COL19A1: variants seen among roughly 807,000 people sequenced by gnomAD.
The protein encoded by COL19A1 is collagen alpha-1(XIX) chain.
Under a neutral mutation model 190.2 loss-of-function variants are expected in COL19A1, and 159 were observed. That is an observed-to-expected ratio of 0.84 (90% CI 0.73 to 0.95). COL19A1 has a LOEUF of 0.95. Among genes scored for constraint, COL19A1 ranks in the 40% least tolerant of loss-of-function variants. COL19A1 has a pLI of 0.00. For synonymous variants in COL19A1, 509 were observed against 458.9 expected (o/e 1.11, Z -1.39); for missense variants, 1,418 against 1,431.9 (o/e 0.99, Z 0.16).
intron 4 of COL19A1, among the ~76,000 whole-genome samples, chr6:69,902,824 C>T (rs1389983351): frequency 2.0e-5 from 3 of 152,200 alleles, no homozygotes; most frequent in Non-Finnish European, 4.4e-5. Flanking sequence ...ACTGCACTCT[C>T]ACGCCAGGGG....
At chr6:70,159,423 T>TAC (rs146845787) in intron 34 of COL19A1, among the ~76,000 whole-genome samples, 385 of 148,850 alleles carry the variant, frequency 2.6e-3, no homozygotes, top group African/African-American at 6.5e-3. Flanking sequence ...CACATACACA[T>TAC]ACACACACAC....
At chr6:70,108,966 A>G (rs1452381663) in intron 16 of COL19A1, among the ~76,000 whole-genome samples, 1 of 152,148 alleles carries the variant, frequency 6.6e-6, no homozygotes. Flanking sequence ...TTACTAAACA[A>G]ATACTTATGG....
In COL19A1 at chr6:69,894,325, A is replaced by G. The variant is rs964950380; in HGVS notation, c.92-4623A>G. On this transcript the variant is annotated intron_variant, in intron 2 of 50. Coordinates refer to ENST00000620364, the MANE Select transcript of COL19A1 (RefSeq NM_001858.6). Reference sequence around the variant, plus strand: ...TCTTCATTAAGGGCCTGGTTATTCCATATGTCCCCAGGCCTTAATAGTTGT... The same window carrying G: ...TCTTCATTAAGGGCCTGGTTATTCCGTATGTCCCCAGGCCTTAATAGTTGT... Among the ~76,000 whole-genome samples the G allele has an allele frequency of 2.2e-4, 34 of 152,356 alleles. 1 individual carries two copies. Among genetic ancestry groups the G allele is most frequent in the Admixed American group, 2.0e-3 (31 of 15,308 alleles).
intron 8 of COL19A1, among the ~76,000 whole-genome samples, 191 bp downstream of exon 8, chr6:69,937,101 C>G (rs1457328046): frequency 6.6e-6 from 1 of 152,092 alleles, no homozygotes; most frequent in Non-Finnish European, 1.5e-5. Context: ...TGGATAGTTT[C>G]AAGCCCATCT....
At chr6:70,072,088 A>G (rs982741342) in intron 15 of COL19A1, among the ~76,000 whole-genome samples, 1 of 152,266 alleles carries the variant, frequency 6.6e-6, no homozygotes. Context: ...GGAAACCCAG[A>G]GAAGTATCTT....
At chr6:70,191,089 T>C (rs1343916158) in intron 48 of COL19A1, among the ~76,000 whole-genome samples, 1 of 152,196 alleles carries the variant, frequency 6.6e-6, no homozygotes, top group Non-Finnish European at 1.5e-5. Flanking sequence ...GACAATATGG[T>C]ACATAAAGGC....
intron 11 of COL19A1, among the ~76,000 whole-genome samples, chr6:69,991,596 G>A (rs528116058): frequency 2.0e-5 from 3 of 152,140 alleles, no homozygotes; most frequent in African/African-American, 7.2e-5. Flanking sequence ...GGTGTGAGAT[G>A]GTTTCTTATT....
chr6:70,132,653 A>G (rs1010800344), intron 18 of COL19A1, among the ~76,000 whole-genome samples: 28 of 152,254 alleles, frequency 1.8e-4, no homozygotes, highest in African/African-American at 6.0e-4. Flanking sequence ...TCACGTGGAA[A>G]GCTTTGACAA....
intron 41 of COL19A1, among the ~76,000 whole-genome samples, chr6:70,174,572 C>A (rs193134166): frequency 1.3e-4 from 18 of 139,438 alleles, no homozygotes; most frequent in East Asian, 1.2e-3. Flanking sequence ...AAAAAAAAAA[C>A]AAAAAAAACA....
intron 30 of COL19A1, among the ~76,000 whole-genome samples, chr6:70,151,090 T>C (rs1468522069): frequency 6.6e-6 from 1 of 152,124 alleles, no homozygotes; most frequent in African/African-American, 2.4e-5. Flanking sequence ...ACCAATGATA[T>C]ACCAGGGACA....
chr6:69,988,332 A>C (rs1776420848), intron 11 of COL19A1, among the ~76,000 whole-genome samples: 1 of 152,212 alleles, frequency 6.6e-6, no homozygotes, highest in Non-Finnish European at 1.5e-5. Context: ...ATATAGGCCA[A>C]AAGATAAGCA....
At chr6:69,930,963 G>T (rs774099696) in intron 6 of COL19A1, among the ~76,000 whole-genome samples, 1 of 152,072 alleles carries the variant, frequency 6.6e-6, no homozygotes, top group African/African-American at 2.4e-5. Flanking sequence ...AAACTTGAAG[G>T]CATGTCACAA....
chr6:70,018,195 T>C (rs189597792), intron 11 of COL19A1, among the ~76,000 whole-genome samples: 2 of 152,228 alleles, frequency 1.3e-5, no homozygotes, highest in Non-Finnish European at 2.9e-5. Context: ...GGAATAATTG[T>C]TCCATGTAGA....
chr6:70,037,562 C>T (rs991176859), intron 14 of COL19A1, among the ~76,000 whole-genome samples: 3 of 152,048 alleles, frequency 2.0e-5, no homozygotes, highest in African/African-American at 7.2e-5. Context: ...AAGTTACATG[C>T]AGTCATTTAG....
At chr6:70,155,680 C>T (rs1787386334) in intron 31 of COL19A1, among the ~76,000 whole-genome samples, 1 of 152,118 alleles carries the variant, frequency 6.6e-6, no homozygotes, top group Non-Finnish European at 1.5e-5. Context: ...AAGAACAAAT[C>T]CTTTCTTCAC....
intron 1 of COL19A1, among the ~76,000 whole-genome samples, chr6:69,873,480 G>A (rs906553886): frequency 5.9e-5 from 9 of 152,162 alleles, no homozygotes; most frequent in African/African-American, 2.2e-4. Flanking sequence ...AAAAAAATGA[G>A]GGATGAACTT....
At chr6:69,888,523 G>C (rs944309443) in intron 2 of COL19A1, among the ~76,000 whole-genome samples, 16 of 152,004 alleles carry the variant, frequency 1.1e-4, no homozygotes, top group Admixed American at 5.9e-4. Flanking sequence ...AAAAAAAAGA[G>C]AGAGCACCTG....
chr6:70,109,431 G>A (rs1784155336), intron 16 of COL19A1, among the ~76,000 whole-genome samples: 1 of 152,010 alleles, frequency 6.6e-6, no homozygotes, highest in Non-Finnish European at 1.5e-5. Flanking sequence ...AGATTTGGGA[G>A]CTGAATGGCT....
intron 11 of COL19A1, among the ~76,000 whole-genome samples, chr6:69,979,128 A>C (rs1363991845): frequency 6.6e-6 from 1 of 151,990 alleles, no homozygotes; most frequent in African/African-American, 2.4e-5. Context: ...TGGGTTTTTC[A>C]GCAGGGTTTT....
Sources: gnomAD v4.1 joint callset for allele counts (sites outside exome capture counted in the v4.1 genomes callset) on GRCh38, gnomAD v4.1.1 for gene constraint, MANE v1.5 for transcripts, NCBI Gene and HGNC (gene_info 2026-07-23, HGNC 2026-07-21) for gene names.